CRTAP: variants seen among roughly 807,000 people sequenced by gnomAD.
CRTAP encodes the protein cartilage-associated protein.
In CRTAP, 33 loss-of-function variants were observed where a neutral mutation model predicts 42.7. The observed-to-expected ratio is 0.77, with a 90% CI of 0.59 to 1.03. The LOEUF (loss-of-function observed/expected upper bound fraction) is 1.03, where lower values mean the gene tolerates loss of function less well. CRTAP is among the 50% of genes least tolerant of loss of function. CRTAP has a pLI of 0.00. For missense variants in CRTAP, 613 were observed against 533.9 expected, an observed-to-expected ratio of 1.15 and a Z score of -1.46; for synonymous variants, 243 against 217.7, an observed-to-expected ratio of 1.12 and a Z score of -1.02.
chr3:33,126,854 G>C (rs1331750435), intron 3 of CRTAP, among the ~76,000 whole-genome samples: 1 of 152,196 alleles, frequency 6.6e-6, no homozygotes, highest in Non-Finnish European at 1.5e-5. Context: ...GTGGGAGGGG[G>C]TTTCCAGGTC....
At chr3:33,141,653 C>G (rs766545636) in intron 6 of CRTAP, among the ~76,000 whole-genome samples, 1 of 152,212 alleles carries the variant, frequency 6.6e-6, no homozygotes, top group Non-Finnish European at 1.5e-5. Context: ...CAGCCTTGGT[C>G]ATTCACTCAT....
chr3:33,137,980 C>G (rs1178142230), intron 6 of CRTAP, among the ~76,000 whole-genome samples: 1 of 152,022 alleles, frequency 6.6e-6, no homozygotes, highest in African/African-American at 2.4e-5. Context: ...GTCTTGGTAC[C>G]CTTTGAAAGA....
At chr3:33,122,202 C>T (rs1248384664) in intron 2 of CRTAP, among the ~76,000 whole-genome samples, 1 of 152,118 alleles carries the variant, frequency 6.6e-6, no homozygotes, top group Non-Finnish European at 1.5e-5. Context: ...TTGGCCCTCA[C>T]TGGAGCCCTT....
chr3:33,142,295 C>A, intron 6 of CRTAP, 100 bp from the exon 7 acceptor site: 1 of 1,145,964 alleles, frequency 8.7e-7, no homozygotes, highest in Non-Finnish European at 1.3e-6. Context: ...TCAGCCAAAG[C>A]AGACAGTGGT....
intron 5 of CRTAP, among the ~76,000 whole-genome samples, 171 bp from the exon 6 acceptor site, chr3:33,134,011 G>A (rs767495161): frequency 1.3e-5 from 2 of 152,150 alleles, no homozygotes; most frequent in Admixed American, 6.5e-5. Context: ...CCTTTTTAAA[G>A]TGTACAATTC....
intron 5 of CRTAP, among the ~76,000 whole-genome samples, chr3:33,133,172 A>C (rs1366994376): frequency 6.6e-6 from 1 of 152,196 alleles, no homozygotes; most frequent in African/African-American, 2.4e-5. Context: ...GAAATATTTT[A>C]CTTTGAAAAC....
chr3:33,124,229 G>A (rs1421152189), intron 2 of CRTAP, among the ~76,000 whole-genome samples, 179 bp from the exon 3 acceptor site: 2 of 152,194 alleles, frequency 1.3e-5, no homozygotes, highest in African/African-American at 4.8e-5. Flanking sequence ...CCCATCATAA[G>A]CAAAGTAGAA....
intron 3 of CRTAP, among the ~76,000 whole-genome samples, chr3:33,125,936 G>A (rs2030054146): frequency 6.6e-6 from 1 of 152,038 alleles, no homozygotes; most frequent in South Asian, 2.1e-4. Flanking sequence ...ATTGCAATGG[G>A]TTATCTCTTG....
chr3:33,124,659 A>G (rs1369952479), intron 3 of CRTAP, 80 bp downstream of exon 3: 3 of 1,535,054 alleles, frequency 2.0e-6, no homozygotes, highest in Non-Finnish European at 2.7e-6. Flanking sequence ...CATGCCTGCT[A>G]GATGCCTGGA....
chr3:33,114,130 C>T lies in CRTAP; in HGVS notation c.53C>T (p.Ala18Val). 1.9e-6 allele frequency: 3 copies of T among 1,564,520 alleles called. No individual in the cohort carries two copies. The highest frequency in any genetic ancestry group is 1.4e-5 in the African/African-American group (1 of 71,408). The change falls in exon 1 of 7, where the codon GCC becomes GTC. Residue 18 changes from alanine to valine, a missense_variant. Transcript: ENST00000320954. ...AAALLALLCV[A>V]CALRAGRAQY... ...GCGCTGCTAGCGCTGCTGTGCGTGG[C>T]CTGCGCGCTGCGCGCCGGGCGCGCC...
Position 33,129,982 on chromosome 3 carries a change from G to A in CRTAP, c.837G>A (p.Glu279=), listed in dbSNP as rs923457111. 1.9e-6 allele frequency: 3 copies of A among 1,613,232 alleles called. No homozygotes were observed. The highest frequency in any genetic ancestry group is 2.5e-6 in the Non-Finnish European group (3 of 1,179,252). The change falls in exon 4 of 7, where the codon GAG becomes GAA. Residue 279 remains glutamate, a synonymous_variant. Transcript: ENST00000320954. ...TGGAATGCAAAATACAGTGTGAAGAGAACCTCACCCCAGTTATAGGAGGCT... is the reference window on the plus strand; with the variant it reads ...TGGAATGCAAAATACAGTGTGAAGAAAACCTCACCCCAGTTATAGGAGGCT... ...EVLECKIQCE[E]NLTPVIGGYP...
At chr3:33,120,574 C>G in intron 2 of CRTAP, 81 bp downstream of exon 2, 2 of 1,548,614 alleles carry the variant, frequency 1.3e-6, no homozygotes, top group Admixed American at 2.0e-5. Context: ...CTGCTGATAG[C>G]TAAGGACCTC....
chr3:33,130,211 A>G, intron 4 of CRTAP, 144 bp downstream of exon 4: 2 of 823,470 alleles, frequency 2.4e-6, no homozygotes, highest in South Asian at 2.8e-5. Context: ...ACAAAAAGGC[A>G]GCATGGCTTA....
chr3:33,141,711 G>C (rs1014477485), intron 6 of CRTAP, among the ~76,000 whole-genome samples: 4 of 152,186 alleles, frequency 2.6e-5, no homozygotes, highest in African/African-American at 9.6e-5. Flanking sequence ...GTCCAGGAGG[G>C]TTATAGAAGA....
chr3:33,128,477 G>C (rs1384896324), intron 3 of CRTAP, among the ~76,000 whole-genome samples: 1 of 152,116 alleles, frequency 6.6e-6, no homozygotes, highest in Non-Finnish European at 1.5e-5. Flanking sequence ...GTTACATTCA[G>C]GTTGTGTATT....
chr3:33,134,560 A>C (rs2030368213), intron 6 of CRTAP, among the ~76,000 whole-genome samples: 1 of 152,224 alleles, frequency 6.6e-6, no homozygotes, highest in African/African-American at 2.4e-5. Flanking sequence ...AAAAACAGTG[A>C]ATTTTTAATT....
In CRTAP at chr3:33,114,077, G is replaced by C; in HGVS notation, c.-1G>C. 2 of 1,458,320 alleles carry C rather than the reference G, an allele frequency of 1.4e-6. No individual in the cohort carries two copies. The highest frequency in any genetic ancestry group is 1.8e-6 in the Non-Finnish European group (2 of 1,111,758). The allele number at this position is 1,458,320 out of a possible 1,614,324, so 90.3% of individuals were successfully genotyped here. On this transcript the variant is annotated 5_prime_UTR_variant, in exon 1 of 7. Coordinates refer to ENST00000320954, the MANE Select transcript of CRTAP (RefSeq NM_006371.5). The stretch of plus-strand genomic sequence containing the variant: ...TTCCTTCCTTCCTTTCGCCGGGCGC[G>C]ATGGAGCCGGGGCGCCGGGGGGCCG...
At chr3:33,133,561 CTT>C (rs1559436177) in intron 5 of CRTAP, among the ~76,000 whole-genome samples, 2 of 152,170 alleles carry the variant, frequency 1.3e-5, no homozygotes, top group East Asian at 3.9e-4. Flanking sequence ...TGTGCCATCT[CTT>C]TATCTCCTGC....
At chr3:33,125,344 TGAA>T (rs1376083246) in intron 3 of CRTAP, among the ~76,000 whole-genome samples, 2 of 152,148 alleles carry the variant, frequency 1.3e-5, no homozygotes, top group Non-Finnish European at 2.9e-5. Context: ...ATCTCCCACT[TGAA>T]GAATCATTGT....
Sources: gnomAD v4.1 joint callset for allele counts (sites outside exome capture counted in the v4.1 genomes callset) on GRCh38, gnomAD v4.1.1 for gene constraint, MANE v1.5 for transcripts, NCBI Gene and HGNC (gene_info 2026-07-23, HGNC 2026-07-21) for gene names.